TBC1D5: variants seen among roughly 807,000 people sequenced by gnomAD.
The protein encoded by TBC1D5 is TBC1 domain family member 5, also known as TBC1 domain family, member 5.
TBC1D5 carries 75 observed loss-of-function variants against 100.3 expected under a neutral mutation model. The ratio of observed to expected loss-of-function variants is 0.75; its 90% CI spans 0.62 to 0.91. The LOEUF (loss-of-function observed/expected upper bound fraction) is 0.91, where lower values mean the gene tolerates loss of function less well. TBC1D5 is among the 40% of genes least tolerant of loss of function. TBC1D5 has a pLI of 0.00. For synonymous variants in TBC1D5, 323 were observed against 325.6 expected, an observed-to-expected ratio of 0.99 and a Z score of 0.09; for missense variants, 910 against 942.4, an observed-to-expected ratio of 0.97 and a Z score of 0.45.
chr3:17,675,378 T>C (rs1200830619), intron 1 of TBC1D5, among the ~76,000 whole-genome samples: 3 of 152,136 alleles, frequency 2.0e-5, no homozygotes, highest in Non-Finnish European at 4.4e-5. Context: ...ATTTGAGCCA[T>C]TCATTGGTAA....
In TBC1D5 at chr3:17,379,874, T is replaced by TTC. The variant is rs201405856; in HGVS notation, c.613-3263_613-3262dup. On this transcript the variant is annotated intron_variant, in intron 9 of 21. Coordinates refer to ENST00000253692, the Ensembl canonical transcript of TBC1D5. ...TGTAACAATATTATGTGATTGTGGT[T>TTC]TCTCTCTCTCTCTCTCTCAAAATAT... is the stretch of plus-strand genomic sequence containing the variant. 3.4e-3 allele frequency among the ~76,000 whole-genome samples: 507 copies of TTC among 150,910 alleles called. 6 individuals are homozygous for TTC. Among genetic ancestry groups the TTC allele is most frequent in the East Asian group, 0.02 (103 of 5,138 alleles).
At chr3:17,352,406 C>T (rs2090712147) in intron 13 of TBC1D5, among the ~76,000 whole-genome samples, 1 of 151,942 alleles carries the variant, frequency 6.6e-6, no homozygotes, top group Non-Finnish European at 1.5e-5. Flanking sequence ...AATAAACCTT[C>T]TAATTGCCTT....
At chr3:17,675,003 AACTT>A (rs2068440345) in intron 1 of TBC1D5, among the ~76,000 whole-genome samples, 1 of 152,128 alleles carries the variant, frequency 6.6e-6, no homozygotes, top group South Asian at 2.1e-4. Context: ...ATACAGCAGA[AACTT>A]ACTATCTATA....
intron 2 of TBC1D5, among the ~76,000 whole-genome samples, chr3:17,552,536 C>T (rs909762361): frequency 6.6e-6 from 1 of 152,082 alleles, no homozygotes; most frequent in Non-Finnish European, 1.5e-5. Context: ...AAAAATGGAA[C>T]ACATGCCTGG....
chr3:17,407,962 C>G (rs2152459138), intron 4 of TBC1D5, among the ~76,000 whole-genome samples: 1 of 152,188 alleles, frequency 6.6e-6, no homozygotes, highest in Non-Finnish European at 1.5e-5. Context: ...ATTGTTCATG[C>G]TTTTGGGTCA....
chr3:17,319,678 G>A (rs948101320), intron 13 of TBC1D5, among the ~76,000 whole-genome samples: 1 of 152,012 alleles, frequency 6.6e-6, no homozygotes, highest in Non-Finnish European at 1.5e-5. Context: ...AGACCATCCT[G>A]GCTAACATGG....
At chr3:17,543,293 T>C (rs961328588) in intron 2 of TBC1D5, among the ~76,000 whole-genome samples, 2 of 152,306 alleles carry the variant, frequency 1.3e-5, no homozygotes, top group East Asian at 1.9e-4. Context: ...TGGGGTGGCG[T>C]TCCTAATCAA....
rs1445841928 is a variant in TBC1D5 at position 17,247,303 on chromosome 3, C to T, written c.1332-8884G>A. ...TTATTATTATGAGTTCTGTTCTAGA[C>T]CACTGTAATAAAGCAAGTATCACAA... On this transcript the variant is annotated intron_variant, in intron 16 of 21. Coordinates refer to ENST00000253692, the Ensembl canonical transcript of TBC1D5. Among the ~76,000 whole-genome samples the T allele has an allele frequency of 2.0e-5, 3 of 152,140 alleles. No homozygotes were observed. The East Asian group carries it at 5.8e-4, about 29-fold the overall frequency.
rs551870817 is a variant in TBC1D5, at chr3:17,528,403, C to T, written c.-35-19798G>A. On this transcript the variant is annotated intron_variant, in intron 2 of 21. Transcript: ENST00000253692. ...ACAACATTAATCCCTTAGGAGAATG[C>T]AGTAACAAGGTACCATCTTGGAAGC... 1.3e-4 allele frequency among the ~76,000 whole-genome samples: 20 copies of T among 152,284 alleles called. No individual in the cohort carries two copies. In the South Asian group the frequency reaches 3.5e-3, roughly 27 times the overall value.
intron 13 of TBC1D5, among the ~76,000 whole-genome samples, chr3:17,334,602 G>A (rs1166731972): frequency 6.6e-6 from 1 of 152,078 alleles, no homozygotes; most frequent in Non-Finnish European, 1.5e-5. Context: ...GACTTTTTCT[G>A]CTTCTTAATG....
rs1334152058 is a variant in TBC1D5, at chr3:17,503,997, G to A, written c.97+4477C>T. Among the ~76,000 whole-genome samples the A allele has an allele frequency of 2.0e-5, 3 of 149,230 alleles. 1 individual carries two copies. Among genetic ancestry groups the A allele is most frequent in the African/African-American group, 7.7e-5 (3 of 39,152 alleles). On this transcript the variant is annotated intron_variant, in intron 3 of 21. Transcript: ENST00000253692. ...TAGGAGAAACTTCAAAGGAAGAGAG[G>A]TCAAAGAGAACAGAGGATAAAACAG...
intron 16 of TBC1D5, among the ~76,000 whole-genome samples, chr3:17,255,534 T>C (rs1467487417): frequency 1.3e-5 from 2 of 152,134 alleles, no homozygotes; most frequent in Non-Finnish European, 2.9e-5. Flanking sequence ...GCCTAAATTC[T>C]TCATACATTA....
At chr3:17,592,643 G>A (rs886084067) in intron 2 of TBC1D5, among the ~76,000 whole-genome samples, 4 of 152,186 alleles carry the variant, frequency 2.6e-5, no homozygotes, top group Non-Finnish European at 5.9e-5. Flanking sequence ...TCCAGAACAG[G>A]AGAAGGCTCT....
At chr3:17,264,655 G>A (rs1466360012) in intron 15 of TBC1D5, among the ~76,000 whole-genome samples, 1 of 152,126 alleles carries the variant, frequency 6.6e-6, no homozygotes, top group African/African-American at 2.4e-5. Flanking sequence ...AGTCAGTGAG[G>A]GTCGTACTCA....
intron 18 of TBC1D5, among the ~76,000 whole-genome samples, chr3:17,193,405 T>C (rs1040416386): frequency 6.6e-6 from 1 of 152,260 alleles, no homozygotes; most frequent in Non-Finnish European, 1.5e-5. Flanking sequence ...TTCATTGGTT[T>C]ACATGCGAAG....
exon 1 of TBC1D5, chr3:17,739,413 G>T (rs2077217935): frequency 6.6e-6 from 1 of 152,106 alleles, no homozygotes; most frequent in South Asian, 2.1e-4. Flanking sequence ...TTCATTTTCT[G>T]TATCGTCCTC....
At chr3:17,192,932 T>C (rs777346525) in intron 18 of TBC1D5, among the ~76,000 whole-genome samples, 1 of 152,224 alleles carries the variant, frequency 6.6e-6, no homozygotes, top group Non-Finnish European at 1.5e-5. Context: ...CTTTTCCTTC[T>C]ACCCCACATC....
chr3:17,365,532 G>GC (rs2092055423), intron 13 of TBC1D5, among the ~76,000 whole-genome samples: 2 of 152,164 alleles, frequency 1.3e-5, no homozygotes, highest in Non-Finnish European at 2.9e-5. Context: ...GGAAATTTAA[G>GC]CCTTCAGGCT....
intron 1 of TBC1D5, among the ~76,000 whole-genome samples, chr3:17,680,423 C>T (rs1442616455): frequency 6.6e-6 from 1 of 150,834 alleles, no homozygotes; most frequent in Non-Finnish European, 1.5e-5. Context: ...GATAGGATCT[C>T]CCTATGTTCC....
Sources: gnomAD v4.1 joint callset for allele counts (sites outside exome capture counted in the v4.1 genomes callset) on GRCh38, gnomAD v4.1.1 for gene constraint, MANE v1.5 for transcripts, NCBI Gene and HGNC (gene_info 2026-07-23, HGNC 2026-07-21) for gene names.